The following ARHGEF16 variants were observed in gnomAD, a reference collection of about 807,000 sequenced individuals.
ARHGEF16 encodes the protein Rho guanine exchange factor (GEF) 16.
In ARHGEF16, 59 loss-of-function variants were observed where a neutral mutation model predicts 74.1. The observed-to-expected ratio is 0.80, with a 90% CI of 0.65 to 0.99. The LOEUF (loss-of-function observed/expected upper bound fraction) is 0.99, where lower values mean the gene tolerates loss of function less well. ARHGEF16 is among the 50% of genes least tolerant of loss of function. The pLI is 0.00. For synonymous variants in ARHGEF16, 415 were observed against 412.6 expected (o/e 1.01, Z -0.07); for missense variants, 948 against 986.6 (o/e 0.96, Z 0.52).
chr1:3,479,971 G>A (rs897653571), intron 14 of ARHGEF16, 58 bp downstream of exon 14: 2 of 1,552,158 alleles, frequency 1.3e-6, no homozygotes, highest in Non-Finnish European at 1.8e-6. Context: ...GCGTGAGTCA[G>A]CGTCCAGCCT....
At chr1:3,465,146 A>G (rs1411998498) in intron 2 of ARHGEF16, among the ~76,000 whole-genome samples, 1 of 152,172 alleles carries the variant, frequency 6.6e-6, no homozygotes, top group Non-Finnish European at 1.5e-5. Context: ...TCATTCATTC[A>G]CTGTTTATTT....
intron 1 of ARHGEF16, among the ~76,000 whole-genome samples, chr1:3,456,901 G>A (rs1639277821): frequency 1.3e-5 from 2 of 152,228 alleles, no homozygotes; most frequent in South Asian, 4.1e-4. Context: ...AGGTGGGAGG[G>A]CCAGGTGCAC....
rs1639735313 is a variant in ARHGEF16 at position 3,471,887 on chromosome 1, C to T, written c.1023-1191C>T. The T allele has an allele frequency of 2.1e-6, 2 of 968,974 alleles. 1 individual carries two copies. The highest frequency in any genetic ancestry group is 7.0e-5 in the South Asian group (2 of 28,438). The allele number at this position is 968,974 out of a possible 1,614,324, so 60.0% of individuals were successfully genotyped here. ...GGCCTGGCCGGCCTGGGCACGTACG[C>T]ATGTCGTGGCCCTGCTCATCCAGCA... On this transcript the variant is annotated intron_variant, in intron 6 of 14. Transcript: ENST00000378378.
chr1:3,478,720 C>T lies in ARHGEF16; in HGVS notation c.1814+108C>T. On this transcript the variant is annotated intron_variant, in intron 12 of 14. Coordinates refer to ENST00000378378, the MANE Select transcript of ARHGEF16 (RefSeq NM_014448.4). Reference sequence around the variant, plus strand: ...GCTGTTGCATGGCTGGCTCTGAACGCCCACCGTGCACCTGGCCCTGCTGTA... The same window carrying T: ...GCTGTTGCATGGCTGGCTCTGAACGTCCACCGTGCACCTGGCCCTGCTGTA... 5 of 1,281,280 alleles carry T rather than the reference C, an allele frequency of 3.9e-6. No individual in the cohort carries two copies. In the African/African-American group the frequency reaches 6.0e-5, roughly 15 times the overall value. 79.4% of individuals were successfully genotyped at this position (1,281,280 alleles called of 1,614,324 possible). A position where few individuals can be genotyped will look rare whatever the true frequency, so the allele number is the denominator to read the frequency against.
chr1:3,477,183 G>A (rs1188881886), intron 10 of ARHGEF16, among the ~76,000 whole-genome samples: 1 of 150,298 alleles, frequency 6.7e-6, no homozygotes, highest in African/African-American at 2.5e-5. Context: ...GGCCCACAGG[G>A]AGCAGGTGAG....
chr1:3,464,450 C>T (rs2100738202), intron 2 of ARHGEF16, among the ~76,000 whole-genome samples: 1 of 152,298 alleles, frequency 6.6e-6, no homozygotes, highest in South Asian at 2.1e-4. Context: ...GGCCACCCTG[C>T]TTGGTCTCTT....
chr1:3,466,227 G>C, intron 3 of ARHGEF16, 34 bp downstream of exon 3: 3 of 1,531,616 alleles, frequency 2.0e-6, no homozygotes, highest in Non-Finnish European at 2.6e-6. Flanking sequence ...CGCGGGCTGG[G>C]CTCCAGTTGA....
intron 1 of ARHGEF16, among the ~76,000 whole-genome samples, chr1:3,459,224 GAC>G (rs1210017352): frequency 6.6e-6 from 1 of 152,164 alleles, no homozygotes; most frequent in African/African-American, 2.4e-5. Context: ...ACATCAGCAA[GAC>G]AGCCAGAGCT....
chr1:3,473,629 C>T (rs1639801741), intron 8 of ARHGEF16, 107 bp downstream of exon 8: 2 of 1,542,746 alleles, frequency 1.3e-6, no homozygotes, highest in East Asian at 2.3e-5. Context: ...CTCCTCCAGG[C>T]TTGGCCTATG....
chr1:3,471,579 C>T, intron 6 of ARHGEF16: 2 of 1,074,974 alleles, frequency 1.9e-6, no homozygotes, highest in African/African-American at 1.7e-5. Flanking sequence ...TGCCCCTCCC[C>T]CAGCTCTGCC....
chr1:3,469,797 T>C (rs1639654825), intron 6 of ARHGEF16, among the ~76,000 whole-genome samples: 1 of 152,062 alleles, frequency 6.6e-6, no homozygotes, highest in South Asian at 2.1e-4. Context: ...AGGGCCGGGC[T>C]AAGCACTGGG....
Position 3,472,985 on chromosome 1 carries a change from T to C in ARHGEF16, c.1023-93T>C. The C allele has an allele frequency of 2.8e-6, 4 of 1,419,802 alleles. No individual in the cohort carries two copies. In the South Asian group the frequency reaches 4.0e-5, roughly 14 times the overall value. The allele number at this position is 1,419,802 out of a possible 1,614,324, so 88.0% of individuals were successfully genotyped here. ...TCAGCTCCTGCCACGTCCATGTATGTGTGAGTGTGCATGCAGATGCATGTC... is the reference window on the plus strand; with the variant it reads ...TCAGCTCCTGCCACGTCCATGTATGCGTGAGTGTGCATGCAGATGCATGTC... On this transcript the variant is annotated intron_variant, in intron 6 of 14. Transcript: ENST00000378378.
At position 3,479,822 on chromosome 1, in the gene ARHGEF16, G is replaced by C; in HGVS notation, c.1899G>C (p.Gln633His). ...CACTGCCCTATGCAGACCTGCCCCA[G>C]GTGGAGATCACCAAGGCCTTCTTCG... ...QGLSSKGDLPQVEITKAFFAK... is the reference protein window; with the variant it reads ...QGLSSKGDLPHVEITKAFFAK... Residue 633 changes from glutamine (Q) to histidine (H), a missense_variant, in exon 14 of 15, where the codon CAG becomes CAC. Transcript: ENST00000378378. 1 of 1,612,118 alleles carries C rather than the reference G, an allele frequency of 6.2e-7. No individual in the cohort carries two copies. Among genetic ancestry groups the C allele is most frequent in the East Asian group, 2.2e-5 (1 of 44,888 alleles).
rs1436623803 is a variant in ARHGEF16, at chr1:3,466,039, C to T, written c.589-109C>T. On this transcript the variant is annotated intron_variant, in intron 2 of 14. Transcript: ENST00000378378. ...CTGTGGAGCTGACATCTATTGGGCA[C>T]AGCTTCGCATGTGGAGCCGAGAGGT... 8.8e-6 allele frequency: 11 copies of T among 1,250,918 alleles called. No homozygotes were observed. In the Admixed American group the frequency reaches 1.6e-4, roughly 19 times the overall value. The allele number at this position is 1,250,918 out of a possible 1,614,324, so 77.5% of individuals were successfully genotyped here. A position where few individuals can be genotyped will look rare whatever the true frequency, so the allele number is the denominator to read the frequency against.
intron 3 of ARHGEF16, chr1:3,466,945 T>A: frequency 2.0e-6 from 1 of 506,714 alleles, no homozygotes; most frequent in East Asian, 3.2e-5. Context: ...CTGTGAGGGT[T>A]TGGAGGCACC....
Position 3,474,780 on chromosome 1 carries a change from A to G in ARHGEF16, c.1378A>G (p.Lys460Glu). 3.1e-6 allele frequency: 5 copies of G among 1,612,846 alleles called. No homozygotes were observed. The highest frequency in any genetic ancestry group is 4.2e-6 in the Non-Finnish European group (5 of 1,179,932). Residue 460 changes from lysine to glutamate, a missense_variant and splice_region_variant, in exon 9 of 15, where the codon AAG becomes GAG. Transcript: ENST00000378378. The stretch of plus-strand genomic sequence containing the variant: ...CAGCCGTGCACTGAAGGCCATCAGC[A>G]AGGTAAGATGGGGCCTGGCCCCAGC... ...AASRALKAIS[K>E]LVRQCNEGAH...
intron 14 of ARHGEF16, 60 bp downstream of exon 14, chr1:3,479,973 G>T: frequency 6.5e-7 from 1 of 1,536,312 alleles, no homozygotes. Context: ...GTGAGTCAGC[G>T]TCCAGCCTGG....
Position 3,463,539 on chromosome 1 carries a change from A to G in ARHGEF16, c.455A>G (p.Gln152Arg). The G allele has an allele frequency of 1.4e-6, 2 of 1,465,686 alleles. No homozygotes were observed. Among genetic ancestry groups the G allele is most frequent in the Admixed American group, 2.6e-5 (1 of 38,132 alleles). 90.8% of individuals were successfully genotyped at this position (1,465,686 alleles called of 1,614,324 possible). A position where few individuals can be genotyped will look rare whatever the true frequency, so the allele number is the denominator to read the frequency against. ...GGMLRRNLRN[Q>R]SYRAAMKGLG... ...ATGCTGAGGCGGAACCTGCGGAACC[A>G]ATCCTACCGGGCGGCCATGAAGGGC... is the stretch of plus-strand genomic sequence containing the variant. The change falls in exon 2 of 15, where the codon CAA becomes CGA. Residue 152 changes from glutamine to arginine, a missense_variant. Transcript: ENST00000378378.
intron 6 of ARHGEF16, 116 bp downstream of exon 6, chr1:3,469,709 G>A: frequency 7.1e-7 from 1 of 1,400,218 alleles, no homozygotes; most frequent in Non-Finnish European, 9.7e-7. Context: ...CCTTGATGTG[G>A]ATGGTTTAGA....
Sources: gnomAD v4.1 joint callset for allele counts (sites outside exome capture counted in the v4.1 genomes callset) on GRCh38, gnomAD v4.1.1 for gene constraint, MANE v1.5 for transcripts, NCBI Gene and HGNC (gene_info 2026-07-23, HGNC 2026-07-21) for gene names.